The following PRP4K variants were observed in gnomAD, a reference collection of about 807,000 sequenced individuals.
PRP4K encodes the protein pre-mRNA processing factor kinase PRP4K.
chr6:4,024,005 T>C, the PRP4K span, among the ~76,000 whole-genome samples: 1 of 152,112 alleles, frequency 6.6e-6, no homozygotes. Flanking sequence ...TAGCTGGGAT[T>C]ACAGGCACGT....
the PRP4K span, among the ~76,000 whole-genome samples, chr6:4,021,794 C>A: frequency 6.6e-6 from 1 of 152,200 alleles, no homozygotes. Context: ...CTTTTGGGGA[C>A]CCATCTGAGC....
At chr6:4,062,170 G>A in the PRP4K span, 2 of 152,594 alleles carry the variant, frequency 1.3e-5, no homozygotes, top group South Asian at 4.1e-4. The surrounding 1 kb of genome is among the most constrained non-coding windows in gnomAD (Gnocchi z 4.2). Flanking sequence ...TTTAACTAAT[G>A]TTTCTGCTAT....
At chr6:4,052,198 GT>G in the PRP4K span, 1 of 1,306,148 alleles carries the variant, frequency 7.7e-7, no homozygotes, top group Non-Finnish European at 1.0e-6. Context: ...TATTTGATTT[GT>G]TTTATCCACA....
chr6:4,021,541 A>G, the PRP4K span: 3 of 1,544,858 alleles, frequency 1.9e-6, no homozygotes, highest in African/African-American at 1.4e-5. Flanking sequence ...GGGTGGCGGG[A>G]AAGTTCGGGC....
chr6:4,038,721 TC>T, the PRP4K span, among the ~76,000 whole-genome samples: 1 of 152,134 alleles, frequency 6.6e-6, no homozygotes, highest in African/African-American at 2.4e-5. Context: ...GGACCTCCCT[TC>T]TGACACTGCT....
the PRP4K span, among the ~76,000 whole-genome samples, chr6:4,025,771 A>C: frequency 6.6e-6 from 1 of 152,126 alleles, no homozygotes; most frequent in South Asian, 2.1e-4. Context: ...ATTTTTGTAA[A>C]TTGTTAGCAT....
At chr6:4,056,840 A>AT in the PRP4K span, 1 of 1,090,506 alleles carries the variant, frequency 9.2e-7, no homozygotes, top group Non-Finnish European at 1.3e-6. Flanking sequence ...CTACACCTCC[A>AT]TTTTTTAAGG....
At chr6:4,037,096 T>C in the PRP4K span, among the ~76,000 whole-genome samples, 15 of 151,994 alleles carry the variant, frequency 9.9e-5, no homozygotes, top group Non-Finnish European at 2.9e-5. Context: ...TTATACTCAC[T>C]TGGGGAGGTT....
At chr6:4,061,253 T>C in the PRP4K span, 1 of 152,850 alleles carries the variant, frequency 6.5e-6, no homozygotes, top group African/African-American at 2.4e-5. Flanking sequence ...GCATGTGTGA[T>C]AACTGATCTT....
At chr6:4,052,726 C>T in the PRP4K span, 2 of 1,573,042 alleles carry the variant, frequency 1.3e-6, no homozygotes, top group Admixed American at 1.9e-5. Flanking sequence ...AAAGCATGAA[C>T]TTACGAGAGG....
the PRP4K span, among the ~76,000 whole-genome samples, chr6:4,022,770 T>G: frequency 6.6e-6 from 1 of 152,348 alleles, no homozygotes; most frequent in South Asian, 2.1e-4. Context: ...CCTCTTACTG[T>G]TTCTCACCAA....
the PRP4K span, chr6:4,021,469 AAGT>A: frequency 3.2e-6 from 5 of 1,581,634 alleles, no homozygotes; most frequent in African/African-American, 1.3e-5. Context: ...CAGCCAGAGT[AAGT>A]AGTCTCTGTG....
chr6:4,056,976 A>T, the PRP4K span: 2 of 1,442,788 alleles, frequency 1.4e-6, no homozygotes, highest in East Asian at 2.3e-5. Context: ...ATGGAAATAA[A>T]AATTAATAGT....
At chr6:4,024,610 CTA>C in the PRP4K span, among the ~76,000 whole-genome samples, 1 of 151,836 alleles carries the variant, frequency 6.6e-6, no homozygotes, top group African/African-American at 2.4e-5. Flanking sequence ...TGATTGGTGA[CTA>C]TTTTATTTTT....
chr6:4,034,489 A>G, the PRP4K span, among the ~76,000 whole-genome samples: 4 of 152,264 alleles, frequency 2.6e-5, no homozygotes, highest in Non-Finnish European at 5.9e-5. Flanking sequence ...TCCATCCAGG[A>G]AAGTTAGGTC....
the PRP4K span, chr6:4,043,942 G>A: frequency 6.2e-7 from 1 of 1,614,244 alleles, no homozygotes; most frequent in African/African-American, 1.3e-5. Context: ...TGATGTTAAA[G>A]AGTATGAACG....
chr6:4,060,942 G>A, the PRP4K span: 1 of 273,630 alleles, frequency 3.7e-6, no homozygotes, highest in Admixed American at 5.0e-5. This position sits in a 1 kb window ranked among gnomAD's most constrained non-coding sequence, Gnocchi z 4.7. Flanking sequence ...TTTGTTCTTA[G>A]CAGACTTGGC....
chr6:4,021,567 A>C, the PRP4K span: 1 of 1,500,466 alleles, frequency 6.7e-7, no homozygotes, highest in South Asian at 1.2e-5. Flanking sequence ...GGCGAGAGTC[A>C]AACTTTGCTT....
chr6:4,022,733 G>A, the PRP4K span, among the ~76,000 whole-genome samples: 3 of 152,168 alleles, frequency 2.0e-5, 1 homozygote, highest in East Asian at 3.8e-4. Context: ...AGAACAAATG[G>A]ATTCTGAAGT....
Sources: allele counts gnomAD v4.1 joint callset (sites outside exome capture counted in the v4.1 genomes callset), GRCh38; gene constraint gnomAD v4.1.1; non-coding constraint Gnocchi (gnomAD v3.1); transcripts MANE v1.5; gene names NCBI Gene and HGNC (gene_info 2026-07-23, HGNC 2026-07-21).